Variants in BRI3 observed in about 807,000 individuals in gnomAD.
The protein encoded by BRI3 is membrane protein BRI3.
Under a neutral mutation model 12.8 loss-of-function variants are expected in BRI3, and 6 were observed. That is an observed-to-expected ratio of 0.47 (90% CI 0.26 to 0.93). BRI3 has a LOEUF of 0.93. BRI3 is among the 40% of genes least tolerant of loss of function. The pLI is 0.15. For synonymous variants in BRI3, 91 were observed against 76.1 expected (o/e 1.20, Z -1.02); for missense variants, 134 against 171.1 (o/e 0.78, Z 1.21).
chr7:98,292,457 G>C (rs1800007161), downstream of BRI3: 2 of 618,786 alleles, frequency 3.2e-6, no homozygotes, highest in Non-Finnish European at 5.7e-6. Context: ...TCCCGTACCT[G>C]GGCCGGGCTG....
upstream of BRI3, among the ~76,000 whole-genome samples, chr7:98,301,661 TG>T (rs1408003809): frequency 6.6e-6 from 1 of 151,714 alleles, no homozygotes; most frequent in Non-Finnish European, 1.5e-5. Flanking sequence ...CTGAAGATGA[TG>T]GTGTGTGTGT....
At chr7:98,305,076 A>G (rs1800600787), upstream of BRI3, among the ~76,000 whole-genome samples, 1 of 114,746 alleles carries the variant, frequency 8.7e-6, no homozygotes, top group Non-Finnish European at 1.7e-5. Context: ...TTTTTAGTAG[A>G]GACGGGGTTT....
At chr7:98,321,807 G>A in the BRI3 span, among the ~76,000 whole-genome samples, 1 of 152,156 alleles carries the variant, frequency 6.6e-6, no homozygotes, top group Non-Finnish European at 1.5e-5. Context: ...AGATAAAAAT[G>A]AATTCCAGGC....
intron 2 of BRI3, among the ~76,000 whole-genome samples, chr7:98,287,880 C>T (rs750827953): frequency 6.6e-6 from 1 of 152,196 alleles, no homozygotes; most frequent in African/African-American, 2.4e-5. Flanking sequence ...GCTCCCCACC[C>T]ACACCCCTTT....
chr7:98,310,686 C>CTATTCATT (rs1800838035), downstream of BRI3: 2 of 804,296 alleles, frequency 2.5e-6, no homozygotes, highest in South Asian at 2.3e-5. Context: ...AAATAATAGG[C>CTATTCATT]TATTTATTTA....
At chr7:98,306,294 T>C, upstream of BRI3, 1 of 986,784 alleles carries the variant, frequency 1.0e-6, no homozygotes, top group Non-Finnish European at 1.5e-6. Flanking sequence ...CAGACAGCAC[T>C]GTGAGCCGCG....
At chr7:98,320,367 G>A in the BRI3 span, 1 of 1,251,820 alleles carries the variant, frequency 8.0e-7, no homozygotes, top group African/African-American at 1.5e-5. Flanking sequence ...TGGAGTTTTT[G>A]CTCTGTCGCC....
downstream of BRI3, chr7:98,293,683 G>T (rs1203631633): frequency 8.2e-6 from 11 of 1,339,134 alleles, no homozygotes; most frequent in African/African-American, 1.1e-4. Flanking sequence ...TTCTTGCCCT[G>T]TGAGACTGGG....
the BRI3 span, among the ~76,000 whole-genome samples, chr7:98,322,425 A>G: frequency 1.9e-4 from 29 of 152,120 alleles, no homozygotes; most frequent in East Asian, 4.7e-3. Flanking sequence ...CTCTAATTCC[A>G]GCTCTCAGCT....
intron 1 of BRI3, 124 bp downstream of exon 1, chr7:98,282,061 C>G (rs904686748): frequency 7.8e-7 from 1 of 1,287,378 alleles, no homozygotes; most frequent in Non-Finnish European, 1.0e-6. Context: ...GGTCCCCGGG[C>G]TGGCTTCGGG....
chr7:98,303,467 A>G (rs544784910), upstream of BRI3, among the ~76,000 whole-genome samples: 1 of 152,106 alleles, frequency 6.6e-6, no homozygotes, highest in Admixed American at 6.5e-5. Context: ...GCTCCCCACC[A>G]CGCCATCACC....
chr7:98,303,715 A>G (rs1800519404), upstream of BRI3, among the ~76,000 whole-genome samples: 1 of 152,154 alleles, frequency 6.6e-6, no homozygotes, highest in African/African-American at 2.4e-5. Context: ...GTTATCTTTC[A>G]GGGTTATCGT....
intron 1 of BRI3, 38 bp from the exon 2 acceptor site, chr7:98,282,313 C>T (rs1799548163): frequency 3.9e-6 from 6 of 1,542,224 alleles, no homozygotes; most frequent in South Asian, 2.2e-5. Flanking sequence ...TCCGATTTCT[C>T]CTCCCTGCAC....
downstream of BRI3, chr7:98,292,262 G>A (rs534623081): frequency 1.0e-4 from 27 of 263,042 alleles, no homozygotes; most frequent in African/African-American, 4.3e-4. Flanking sequence ...CACGGTGAGC[G>A]GCCGGGCTGG....
At chr7:98,290,178 GTTGTTTTT>G (rs1283916719) in intron 2 of BRI3, among the ~76,000 whole-genome samples, 227 of 92,300 alleles carry the variant, frequency 2.5e-3, no homozygotes, top group South Asian at 0.011. Context: ...GCCTCTCAAG[GTTGTTTTT>G]TTTTTTTTTT....
At position 98,281,731 on chromosome 7, in the gene BRI3, C is replaced by T; in HGVS notation, c.-65C>T. ...GTCCGCCGCGTCCCCGCCGCCGCCG[C>T]CGCGTCCCCCGCCGGGGCCGACCGA... On this transcript the variant is annotated 5_prime_UTR_variant, in exon 1 of 3. Transcript: ENST00000297290. 1.1e-6 allele frequency: 1 copy of T among 871,934 alleles called. No individual in the cohort carries two copies. Among genetic ancestry groups the T allele is most frequent in the Non-Finnish European group, 1.4e-6 (1 of 729,030 alleles). 54.0% of individuals were successfully genotyped at this position (871,934 alleles called of 1,614,324 possible). A position where few individuals can be genotyped will look rare whatever the true frequency, so the allele number is the denominator to read the frequency against.
chr7:98,304,084 C>G, upstream of BRI3: 2 of 1,168,788 alleles, frequency 1.7e-6, no homozygotes, highest in African/African-American at 3.2e-5. Context: ...CCCGGGGACA[C>G]CACTCTCCCC....
intron 2 of BRI3, among the ~76,000 whole-genome samples, chr7:98,290,184 T>A (rs67641855): frequency 6.9e-5 from 2 of 28,876 alleles, no homozygotes; most frequent in Non-Finnish European, 1.8e-4. Context: ...CAAGGTTGTT[T>A]TTTTTTTTTT....
chr7:98,291,548 G>A (rs1418649965), downstream of BRI3: 2 of 1,148,422 alleles, frequency 1.7e-6, no homozygotes, highest in South Asian at 2.3e-5. Flanking sequence ...TGCTTACTCG[G>A]TGCTTTCAGA....
Sources: gnomAD v4.1 joint callset for allele counts (sites outside exome capture counted in the v4.1 genomes callset) on GRCh38, gnomAD v4.1.1 for gene constraint, MANE v1.5 for transcripts, NCBI Gene and HGNC (gene_info 2026-07-23, HGNC 2026-07-21) for gene names.